BICC1: variants seen among roughly 807,000 people sequenced by gnomAD.
BICC1 encodes BicC family RNA binding protein 1.
Under a neutral mutation model 111.0 loss-of-function variants are expected in BICC1, and 43 were observed. The ratio of observed to expected loss-of-function variants is 0.39; its 90% confidence interval spans 0.30 to 0.50. BICC1 has a LOEUF of 0.50. BICC1 is among the 20% of genes least tolerant of loss of function. The probability of loss-of-function intolerance (pLI) is 0.88; values close to 1 mark genes in which losing one functional copy is unlikely to be tolerated. For missense variants in BICC1, 1,091 were observed against 1,203.2 expected (o/e 0.91, Z 1.38); for synonymous variants, 467 against 434.4 (o/e 1.07, Z -0.93).
intron 3 of BICC1, among the ~76,000 whole-genome samples, chr10:58,734,469 C>T (rs1390954671): frequency 1.3e-5 from 2 of 152,166 alleles, no homozygotes; most frequent in African/African-American, 4.8e-5. Flanking sequence ...AAATACTTTG[C>T]CTCTGCTTAC....
chr10:58,722,761 A>G (rs1281769768), intron 3 of BICC1, among the ~76,000 whole-genome samples: 1 of 152,236 alleles, frequency 6.6e-6, no homozygotes, highest in African/African-American at 2.4e-5. Context: ...TTCTTGGTGC[A>G]TCAGTGGGTT....
At chr10:58,756,265 G>GT (rs1425449249) in intron 3 of BICC1, among the ~76,000 whole-genome samples, 2 of 151,714 alleles carry the variant, frequency 1.3e-5, no homozygotes, top group African/African-American at 2.4e-5. Context: ...TTGCTTTTCC[G>GT]TTTTTTGCAT....
chr10:58,762,712 C>G (rs1842350437), intron 3 of BICC1, among the ~76,000 whole-genome samples: 1 of 152,068 alleles, frequency 6.6e-6, no homozygotes, highest in Admixed American at 6.5e-5. Context: ...TGTACACACT[C>G]TTTTCAAAAT....
intron 3 of BICC1, among the ~76,000 whole-genome samples, chr10:58,711,957 T>C: frequency 6.6e-6 from 1 of 152,154 alleles, no homozygotes; most frequent in South Asian, 2.1e-4. Context: ...AAGACACATC[T>C]GATGAAGAAC....
intron 3 of BICC1, among the ~76,000 whole-genome samples, chr10:58,757,496 A>G (rs1012583576): frequency 1.4e-5 from 2 of 148,094 alleles, no homozygotes; most frequent in Non-Finnish European, 3.0e-5. Context: ...AGAAGTAAAT[A>G]TCAGTGAGTC....
chr10:58,631,392 T>C (rs1837789559), intron 2 of BICC1, among the ~76,000 whole-genome samples: 1 of 152,128 alleles, frequency 6.6e-6, no homozygotes, highest in Non-Finnish European at 1.5e-5. Context: ...GGTTTTTTTC[T>C]TTCTTTTTTT....
intron 1 of BICC1, among the ~76,000 whole-genome samples, chr10:58,604,501 A>G (rs1845145353): frequency 6.6e-6 from 1 of 152,088 alleles, no homozygotes. Flanking sequence ...TCTACTAAAA[A>G]TACAAAAAAA....
intron 3 of BICC1, among the ~76,000 whole-genome samples, chr10:58,721,005 C>T (rs1033985471): frequency 6.6e-6 from 1 of 152,168 alleles, no homozygotes; most frequent in Non-Finnish European, 1.5e-5. Flanking sequence ...TCTCAAGGGC[C>T]TGATCTGTGC....
At chr10:58,628,688 A>G (rs1369472447) in intron 2 of BICC1, among the ~76,000 whole-genome samples, 1 of 152,178 alleles carries the variant, frequency 6.6e-6, no homozygotes, top group Non-Finnish European at 1.5e-5. Flanking sequence ...GTGCAATTAT[A>G]ATGAGGCCAT....
intron 3 of BICC1, among the ~76,000 whole-genome samples, chr10:58,733,831 T>C (rs1234883061): frequency 6.6e-6 from 1 of 152,222 alleles, no homozygotes; most frequent in Non-Finnish European, 1.5e-5. Flanking sequence ...TAGTATAGGA[T>C]AGTAGTTAGG....
At position 58,785,046 on chromosome 10, in the gene BICC1, C is replaced by A; in HGVS notation, c.353C>A (p.Ala118Asp). Residue 118 changes from alanine to aspartate, a missense_variant, in exon 4 of 21, where the codon GCC (alanine) becomes GAC (aspartate). Around this residue, in one of 3 missense-constraint regions of BICC1, gnomAD observed 843 missense variants for 900.8 expected, o/e 0.94. Transcript: ENST00000373886. ...GGAAAGAAAGAAGATGTTAAAGAAG[C>A]CAAGGAAATGATCATGTCTGTCTTA... The part of the protein sequence containing the change: ...VSGKKEDVKE[A>D]KEMIMSVLDT... 1 of 1,598,206 alleles carries A rather than the reference C, an allele frequency of 6.3e-7. No homozygotes were observed. The highest frequency in any genetic ancestry group is 8.5e-7 in the Non-Finnish European group (1 of 1,171,438).
chr10:58,708,020 T>TG (rs1840447499), intron 3 of BICC1, among the ~76,000 whole-genome samples: 1 of 149,066 alleles, frequency 6.7e-6, no homozygotes, highest in Non-Finnish European at 1.5e-5. Flanking sequence ...TTTTTTGTAT[T>TG]TTTAGTAGAG....
At chr10:58,529,548 A>G (rs1424966249) in intron 1 of BICC1, among the ~76,000 whole-genome samples, 2 of 151,904 alleles carry the variant, frequency 1.3e-5, no homozygotes, top group Non-Finnish European at 2.9e-5. Flanking sequence ...GTAAGATTTT[A>G]TCTTTTTTAG....
chr10:58,715,521 C>T, intron 3 of BICC1: 2 of 1,319,626 alleles, frequency 1.5e-6, no homozygotes, highest in South Asian at 1.2e-5. Flanking sequence ...CCTGGTTTCC[C>T]TCGGCGTGCC....
Position 58,800,941 on chromosome 10 carries a change from C to T in BICC1, c.1910C>T (p.Ser637Phe). The T allele has an allele frequency of 6.2e-7, 1 of 1,609,480 alleles. No homozygotes were observed. Among genetic ancestry groups the T allele is most frequent in the South Asian group, 1.1e-5 (1 of 90,494 alleles). The part of the protein sequence containing the change: ...EVGMPRSPSH[S>F]GNAGDLKQMM... ...GGCATGCCTCGAAGTCCTTCCCATT[C>T]TGGGAATGCTGGTGACTTGAAACAG... The change falls in exon 14 of 21, where the codon TCT becomes TTT. Residue 637 changes from serine to phenylalanine, a missense_variant. Around this residue, in one of 3 missense-constraint regions of BICC1, gnomAD observed 843 missense variants for 900.8 expected, o/e 0.94. Coordinates refer to ENST00000373886, the MANE Select transcript of BICC1 (RefSeq NM_001080512.3).
intron 19 of BICC1, among the ~76,000 whole-genome samples, chr10:58,818,914 A>G (rs984771263): frequency 6.6e-6 from 1 of 152,134 alleles, no homozygotes; most frequent in African/African-American, 2.4e-5. Flanking sequence ...GTTTGTTTTC[A>G]TCTATGTTTC....
chr10:58,820,250 C>A, intron 19 of BICC1, 119 bp from the exon 20 acceptor site: 1 of 617,178 alleles, frequency 1.6e-6, no homozygotes, highest in Non-Finnish European at 2.8e-6. Flanking sequence ...TACCACCTTT[C>A]TTTTCTGGAA....
At chr10:58,537,774 G>A (rs1238073447) in intron 1 of BICC1, among the ~76,000 whole-genome samples, 2 of 151,796 alleles carry the variant, frequency 1.3e-5, no homozygotes, top group Non-Finnish European at 2.9e-5. Context: ...AATGAATCCA[G>A]TAAAGTCTCA....
intron 3 of BICC1, among the ~76,000 whole-genome samples, chr10:58,783,419 A>G (rs12571534): frequency 0.41 from 62,068 of 151,518 alleles, 13,653 homozygotes; most frequent in Admixed American, 0.55. Context: ...CAATTGCCCA[A>G]TTGCAACATA....
Sources: allele counts gnomAD v4.1 joint callset (sites outside exome capture counted in the v4.1 genomes callset), GRCh38; gene constraint gnomAD v4.1.1; regional missense constraint gnomAD v4.1.1; transcripts MANE v1.5; gene names NCBI Gene and HGNC (gene_info 2026-07-23, HGNC 2026-07-21).